Variants in GSE1 observed in about 807,000 individuals in gnomAD.
GSE1 encodes genetic suppressor element 1.
GSE1 carries 32 observed loss-of-function variants against 112.6 expected under a neutral mutation model. The ratio of observed to expected loss-of-function variants is 0.28; its 90% CI spans 0.21 to 0.38. The LOEUF (loss-of-function observed/expected upper bound fraction) is 0.38, where lower values mean the gene tolerates loss of function less well. Ranked by LOEUF, GSE1 falls within the 10% of genes least tolerant of loss-of-function variation. GSE1 has a pLI of 1.00. For synonymous variants in GSE1, 1,115 were observed against 735.6 expected (o/e 1.52, Z -8.35); for missense variants, 2,348 against 1,699.2 (o/e 1.38, Z -6.71).
In GSE1 at chr16:85,663,643, G is replaced by A. The variant is rs1326551056; in HGVS notation, c.2644+29G>A. The A allele has an allele frequency of 3.8e-6, 6 of 1,589,752 alleles. No homozygotes were observed. In the East Asian group the frequency reaches 1.1e-4, roughly 30 times the overall value. ...GGGCCTCGCCTGGGTAGGAAGGTGGGGGCTCACTGGGGTGGAAGTGGGTTT... is the reference window on the plus strand; with the variant it reads ...GGGCCTCGCCTGGGTAGGAAGGTGGAGGCTCACTGGGGTGGAAGTGGGTTT... On this transcript the variant is annotated intron_variant, in intron 11 of 15. Coordinates refer to ENST00000253458, the MANE Select transcript of GSE1 (RefSeq NM_014615.5).
chr16:85,432,532 G>A (rs551089737), intron 2 of GSE1, among the ~76,000 whole-genome samples: 5 of 152,346 alleles, frequency 3.3e-5, no homozygotes, highest in East Asian at 1.9e-4. Flanking sequence ...CTTTGCTTGC[G>A]TGTTCTCTTC....
chr16:85,442,963 A>G (rs1184764121), intron 2 of GSE1, among the ~76,000 whole-genome samples: 1 of 152,108 alleles, frequency 6.6e-6, no homozygotes, highest in Non-Finnish European at 1.5e-5. Context: ...TGGCTGCATC[A>G]CCCTGACCCC....
chr16:85,431,862 G>C (rs2049130521), intron 2 of GSE1, among the ~76,000 whole-genome samples: 1 of 152,248 alleles, frequency 6.6e-6, no homozygotes, highest in Admixed American at 6.5e-5. Context: ...GTTTCAGTAA[G>C]TGATTAATTG....
intron 2 of GSE1, among the ~76,000 whole-genome samples, chr16:85,524,029 CCT>C (rs1444865014): frequency 3.9e-5 from 6 of 152,192 alleles, no homozygotes; most frequent in Non-Finnish European, 5.9e-5. Context: ...TGCCTTGAGC[CCT>C]GTCTCCCGGG....
intron 1 of GSE1, among the ~76,000 whole-genome samples, chr16:85,180,534 C>T (rs1430466131): frequency 6.6e-6 from 1 of 152,264 alleles, no homozygotes. Context: ...GCGCCTGGTG[C>T]CAGCCAGTGT....
intron 2 of GSE1, among the ~76,000 whole-genome samples, chr16:85,426,279 A>G (rs28380067): frequency 1 from 139,108 of 139,224 alleles, 69,497 homozygotes; most frequent in Middle Eastern, 1. Flanking sequence ...GAATGGATGG[A>G]TAGATGGGTG....
intron 2 of GSE1, among the ~76,000 whole-genome samples, chr16:85,468,662 A>G (rs1305324639): frequency 6.6e-6 from 1 of 152,010 alleles, no homozygotes; most frequent in Non-Finnish European, 1.5e-5. Flanking sequence ...CAGAGATGTC[A>G]TCTTGGAGAG....
intron 3 of GSE1, among the ~76,000 whole-genome samples, chr16:85,649,501 C>T (rs923921266): frequency 2.6e-5 from 4 of 152,194 alleles, no homozygotes; most frequent in African/African-American, 9.7e-5. Context: ...GTTTTCGGGG[C>T]TCCTTATGTC....
At chr16:85,622,749 A>G (rs2048820007) in intron 1 of GSE1, among the ~76,000 whole-genome samples, 1 of 152,116 alleles carries the variant, frequency 6.6e-6, no homozygotes, top group South Asian at 2.1e-4. Flanking sequence ...CACACGCCAG[A>G]ATTGTGGCCT....
intron 1 of GSE1, among the ~76,000 whole-genome samples, chr16:85,181,373 GC>G (rs1348672711): frequency 1.1e-4 from 17 of 152,240 alleles, no homozygotes; most frequent in Non-Finnish European, 2.5e-4. Flanking sequence ...CATTGGCAGG[GC>G]TGGGAGGTGT....
intron 2 of GSE1, among the ~76,000 whole-genome samples, chr16:85,403,650 A>G (rs1295259283): frequency 1.3e-5 from 2 of 151,858 alleles, no homozygotes; most frequent in African/African-American, 4.8e-5. Context: ...CAAAATAACA[A>G]AATTAGCCGG....
At chr16:85,198,253 G>C (rs117843924) in intron 1 of GSE1, among the ~76,000 whole-genome samples, 1 of 152,222 alleles carries the variant, frequency 6.6e-6, no homozygotes, top group Non-Finnish European at 1.5e-5. Context: ...CAGAAAGACC[G>C]AAGTCATGTG....
intron 1 of GSE1, among the ~76,000 whole-genome samples, chr16:85,309,462 C>G (rs1180495799): frequency 6.6e-6 from 1 of 152,018 alleles, no homozygotes; most frequent in East Asian, 1.9e-4. Flanking sequence ...CCACTGGACT[C>G]TAGCCTGGGC....
chr16:85,388,328 A>G (rs2047745258), intron 2 of GSE1, among the ~76,000 whole-genome samples: 2 of 64,908 alleles, frequency 3.1e-5, no homozygotes, highest in Non-Finnish European at 6.0e-5. Context: ...GGATGGATGG[A>G]TGAATGGATG....
intron 2 of GSE1, among the ~76,000 whole-genome samples, chr16:85,491,740 A>G (rs1481802078): frequency 6.6e-6 from 1 of 152,124 alleles, no homozygotes; most frequent in Non-Finnish European, 1.5e-5. Context: ...GGAGCCTGAA[A>G]GCCAGGTCTC....
At chr16:85,650,550 G>T (rs1406646342) in intron 3 of GSE1, among the ~76,000 whole-genome samples, 1 of 152,224 alleles carries the variant, frequency 6.6e-6, no homozygotes, top group Non-Finnish European at 1.5e-5. Context: ...TCCGCTCTGA[G>T]CTGGTCCCTC....
At chr16:85,242,664 A>G (rs1339307172) in intron 1 of GSE1, among the ~76,000 whole-genome samples, 3 of 152,160 alleles carry the variant, frequency 2.0e-5, no homozygotes. Flanking sequence ...AACAGGAGGT[A>G]TACGACAGCG....
intron 2 of GSE1, among the ~76,000 whole-genome samples, chr16:85,460,382 C>G (rs925994218): frequency 2.6e-5 from 4 of 152,176 alleles, no homozygotes; most frequent in African/African-American, 9.7e-5. Context: ...CCCGAATTGT[C>G]CCGTCGAGCA....
At chr16:85,250,794 A>C (rs1906386289) in intron 1 of GSE1, among the ~76,000 whole-genome samples, 2 of 151,698 alleles carry the variant, frequency 1.3e-5, no homozygotes, top group African/African-American at 2.4e-5. Flanking sequence ...CCACCCCCAA[A>C]AGAAGCCCTG....
Sources: allele counts gnomAD v4.1 joint callset (sites outside exome capture counted in the v4.1 genomes callset), GRCh38; gene constraint gnomAD v4.1.1; transcripts MANE v1.5; gene names NCBI Gene and HGNC (gene_info 2026-07-23, HGNC 2026-07-21).